Variants in PHKB observed in about 807,000 individuals in gnomAD.
PHKB encodes phosphorylase kinase regulatory subunit beta.
PHKB carries 122 observed loss-of-function variants against 152.1 expected under a neutral mutation model. The observed-to-expected ratio is 0.80, with a 90% CI of 0.69 to 0.93. The LOEUF is 0.93. Ranked by LOEUF, PHKB falls within the 40% of genes least tolerant of loss-of-function variation. The probability of loss-of-function intolerance (pLI) is 0.00; values close to 1 mark genes in which losing one functional copy is unlikely to be tolerated. For synonymous variants in PHKB, 436 were observed against 464.9 expected (o/e 0.94, Z 0.80); for missense variants, 1,304 against 1,328.4 (o/e 0.98, Z 0.29).
At chr16:47,652,794 C>T (rs1041168694) in intron 20 of PHKB, among the ~76,000 whole-genome samples, 50 of 152,024 alleles carry the variant, frequency 3.3e-4, no homozygotes, top group African/African-American at 1.1e-3. Context: ...AGGTACATGC[C>T]GCCATGCCCA....
At chr16:47,607,215 G>A (rs1398739657) in intron 13 of PHKB, among the ~76,000 whole-genome samples, 1 of 152,034 alleles carries the variant, frequency 6.6e-6, no homozygotes, top group Non-Finnish European at 1.5e-5. Flanking sequence ...ACAATTCAGT[G>A]ATTTTTGGTA....
At chr16:47,463,749 A>C in intron 1 of PHKB, 1 of 610,890 alleles carries the variant, frequency 1.6e-6, no homozygotes, top group Non-Finnish European at 2.9e-6. Context: ...TCACATTTTC[A>C]AGTCATAAAA....
At chr16:47,462,391 T>G (rs920824151) in intron 1 of PHKB, 1 of 152,244 alleles carries the variant, frequency 6.6e-6, no homozygotes, top group South Asian at 2.1e-4. Flanking sequence ...CCCAGCACTT[T>G]GGGAGGCCGA....
intron 13 of PHKB, among the ~76,000 whole-genome samples, chr16:47,601,472 G>A (rs1163570017): frequency 2.0e-5 from 3 of 152,036 alleles, no homozygotes; most frequent in Non-Finnish European, 2.9e-5. Flanking sequence ...TTGGAAGGCC[G>A]AGGCAGGCGG....
intron 1 of PHKB, among the ~76,000 whole-genome samples, chr16:47,486,436 T>C (rs1193336362): frequency 6.6e-6 from 1 of 152,234 alleles, no homozygotes; most frequent in Non-Finnish European, 1.5e-5. Context: ...TCAAAACTGC[T>C]TGAAAATATA....
intron 5 of PHKB, among the ~76,000 whole-genome samples, chr16:47,512,323 T>A (rs998148342): frequency 6.6e-6 from 1 of 152,206 alleles, no homozygotes; most frequent in African/African-American, 2.4e-5. Flanking sequence ...GAGTGAATTC[T>A]TGGTCTTCAA....
intron 1 of PHKB, among the ~76,000 whole-genome samples, chr16:47,496,795 G>A (rs1970240010): frequency 6.6e-6 from 1 of 152,174 alleles, no homozygotes; most frequent in African/African-American, 2.4e-5. Context: ...ACACCTTTGA[G>A]TAGTTTTCAA....
At chr16:47,616,631 TATG>T (rs1383673858) in intron 14 of PHKB, among the ~76,000 whole-genome samples, 4 of 145,608 alleles carry the variant, frequency 2.7e-5, no homozygotes, top group South Asian at 2.1e-4. Flanking sequence ...TATATTAATA[TATG>T]ATATTTTACA....
chr16:47,650,799 AT>A, intron 19 of PHKB, 31 bp from the exon 20 acceptor site: 1 of 1,494,606 alleles, frequency 6.7e-7, no homozygotes, highest in Non-Finnish European at 9.3e-7. Context: ...TCTGTTGTTA[AT>A]CTGTACATTT....
intron 1 of PHKB, among the ~76,000 whole-genome samples, chr16:47,482,344 C>T (rs1008395372): frequency 1.3e-5 from 2 of 152,212 alleles, no homozygotes; most frequent in Non-Finnish European, 1.5e-5. Flanking sequence ...CTGTACTGTC[C>T]TTCAGAAGTA....
intron 27 of PHKB, 65 bp downstream of exon 27, chr16:47,689,240 T>A (rs1485900515): frequency 3.1e-5 from 46 of 1,501,748 alleles, no homozygotes; most frequent in Non-Finnish European, 4.1e-5. Context: ...AATTTTTAGC[T>A]TGATATATCT....
intron 4 of PHKB, among the ~76,000 whole-genome samples, chr16:47,508,645 A>G (rs1198357454): frequency 6.6e-6 from 1 of 152,220 alleles, no homozygotes; most frequent in Non-Finnish European, 1.5e-5. Flanking sequence ...GTTTTCAGGA[A>G]AAATCTAAGC....
intron 26 of PHKB, among the ~76,000 whole-genome samples, chr16:47,682,383 G>A (rs1057149083): frequency 2.4e-4 from 37 of 152,094 alleles, no homozygotes; most frequent in South Asian, 6.2e-4. Flanking sequence ...CATTCTCCCC[G>A]TCACTTTCAG....
Position 47,526,319 on chromosome 16 carries a change from A to T in PHKB, c.594+10718A>T, listed in dbSNP as rs141528810. On this transcript the variant is annotated intron_variant, in intron 6 of 30. Transcript: ENST00000323584. ...AGCTGCTCGCGAGGCTGAGGCAGGGAGAATTGCTTGAATCCGAGAGGCAGA... is the reference window on the plus strand; with the variant it reads ...AGCTGCTCGCGAGGCTGAGGCAGGGTGAATTGCTTGAATCCGAGAGGCAGA... Among the ~76,000 whole-genome samples the T allele has an allele frequency of 4.1e-4, 62 of 152,144 alleles. 1 individual carries two copies. The East Asian group carries it at 0.011, about 28-fold the overall frequency.
intron 25 of PHKB, chr16:47,665,812 C>A (rs1019894718): frequency 6.8e-6 from 5 of 736,642 alleles, no homozygotes; most frequent in Non-Finnish European, 1.2e-5. Flanking sequence ...ATGTCCTGGG[C>A]AGTGTTTCCT....
chr16:47,641,639 ACTC>A lies in PHKB; in HGVS notation c.1559_1561del (p.Pro520del). 1 of 1,607,232 alleles carries A rather than the reference ACTC, an allele frequency of 6.2e-7. No individual in the cohort carries two copies. Among genetic ancestry groups the A allele is most frequent in the Non-Finnish European group, 8.5e-7 (1 of 1,173,812 alleles). On this transcript the variant is annotated inframe_deletion, in exon 16 of 31. Transcript: ENST00000323584. ...GAACACATATGGTATTCAAACTCAA[ACTC>A]CTCAACAAGTAGAACCCATTCAGAT...
At chr16:47,596,293 G>C in intron 12 of PHKB, 80 bp from the exon 13 acceptor site, 1 of 1,000,136 alleles carries the variant, frequency 1.0e-6, no homozygotes, top group Non-Finnish European at 1.5e-6. Flanking sequence ...ACCCAGTCTT[G>C]GGTATATCTT....
At chr16:47,591,772 T>C (rs989063810) in intron 10 of PHKB, among the ~76,000 whole-genome samples, 1 of 152,208 alleles carries the variant, frequency 6.6e-6, no homozygotes, top group Non-Finnish European at 1.5e-5. Flanking sequence ...ACAGTTTGCC[T>C]GTATTCAGCT....
intron 1 of PHKB, among the ~76,000 whole-genome samples, chr16:47,482,880 C>CT (rs1969986823): frequency 6.6e-6 from 1 of 151,722 alleles, no homozygotes; most frequent in Admixed American, 6.6e-5. Context: ...ACCACCATGC[C>CT]TGACTAAATT....
Sources: gnomAD v4.1 joint callset for allele counts (sites outside exome capture counted in the v4.1 genomes callset) on GRCh38, gnomAD v4.1.1 for gene constraint, MANE v1.5 for transcripts, NCBI Gene and HGNC (gene_info 2026-07-23, HGNC 2026-07-21) for gene names.